DLGAP1: variants seen among roughly 807,000 people sequenced by gnomAD.
The protein encoded by DLGAP1 is DLG associated protein 1, also known as disks large-associated protein 1.
DLGAP1 carries 11 observed loss-of-function variants against 90.8 expected under a neutral mutation model. That is an observed-to-expected ratio of 0.12 (90% CI 0.08 to 0.20). The LOEUF is 0.20. Ranked by LOEUF, DLGAP1 falls within the 10% of genes least tolerant of loss-of-function variation. The pLI is 1.00. For synonymous variants in DLGAP1, 558 were observed against 540.7 expected, an observed-to-expected ratio of 1.03 and a Z score of -0.44; for missense variants, 1,050 against 1,333.8, an observed-to-expected ratio of 0.79 and a Z score of 3.31.
At chr18:4,099,090 C>T (rs1276360883) in intron 2 of DLGAP1, among the ~76,000 whole-genome samples, 1 of 152,206 alleles carries the variant, frequency 6.6e-6, no homozygotes, top group Non-Finnish European at 1.5e-5. Context: ...ATTCTTCCAC[C>T]TCAAAACTAT....
At position 3,649,250 on chromosome 18, in the gene DLGAP1, A is replaced by G. The variant is rs560246777; in HGVS notation, c.1592-67002T>C. Among the ~76,000 whole-genome samples, 15 of 152,308 alleles carry G rather than the reference A, an allele frequency of 9.8e-5. 1 individual carries two copies. Among genetic ancestry groups the G allele is most frequent in the Admixed American group, 2.6e-4 (4 of 15,296 alleles). On this transcript the variant is annotated intron_variant, in intron 7 of 12. Coordinates refer to ENST00000315677, the MANE Select transcript of DLGAP1 (RefSeq NM_004746.4). ...CTCTCCTCCCCACCTTCCAGGACTC[A>G]AAAAACAGACTGGGGGACAATCTCA...
At chr18:4,336,947 A>C (rs1366844448) in intron 1 of DLGAP1, among the ~76,000 whole-genome samples, 11 of 8,346 alleles carry the variant, frequency 1.3e-3, no homozygotes, top group Non-Finnish European at 2.2e-3. Context: ...GAAAATACAA[A>C]AAAAAAAAAA....
intron 1 of DLGAP1, among the ~76,000 whole-genome samples, chr18:4,325,646 G>T (rs1242099303): frequency 1.3e-5 from 2 of 152,052 alleles, no homozygotes; most frequent in Non-Finnish European, 2.9e-5. Flanking sequence ...AAAACAGCAT[G>T]GTACTCGTAC....
chr18:4,333,019 C>T (rs766257605), intron 1 of DLGAP1, among the ~76,000 whole-genome samples: 9 of 151,974 alleles, frequency 5.9e-5, no homozygotes, highest in Non-Finnish European at 1.5e-5. Context: ...TATTATCCTG[C>T]TTTCCTGTGT....
At chr18:4,103,548 A>G (rs1598406316) in intron 2 of DLGAP1, among the ~76,000 whole-genome samples, 1 of 152,152 alleles carries the variant, frequency 6.6e-6, no homozygotes, top group Non-Finnish European at 1.5e-5. Flanking sequence ...ATAGATAATA[A>G]TATCTTAAAT....
intron 2 of DLGAP1, among the ~76,000 whole-genome samples, chr18:4,130,948 T>G (rs1033242806): frequency 6.6e-6 from 1 of 152,086 alleles, no homozygotes; most frequent in Non-Finnish European, 1.5e-5. Flanking sequence ...CAGGAAAATA[T>G]GACAAGGATT....
At chr18:3,810,955 G>A (rs760482420) in intron 5 of DLGAP1, among the ~76,000 whole-genome samples, 11 of 151,938 alleles carry the variant, frequency 7.2e-5, no homozygotes, top group African/African-American at 4.8e-5. Flanking sequence ...ACAGGTGCAC[G>A]CCGCCACACC....
intron 5 of DLGAP1, among the ~76,000 whole-genome samples, chr18:3,782,862 AG>A (rs2065261622): frequency 6.6e-6 from 1 of 152,232 alleles, no homozygotes; most frequent in Non-Finnish European, 1.5e-5. Context: ...GAAATTGAAA[AG>A]ACAATCCAAA....
At chr18:4,443,223 T>C (rs764923079) in intron 1 of DLGAP1, among the ~76,000 whole-genome samples, 5 of 152,228 alleles carry the variant, frequency 3.3e-5, no homozygotes, top group Non-Finnish European at 7.3e-5. Context: ...CCTTCCTTTG[T>C]TCCAGTAGTC....
At chr18:4,222,365 T>C (rs1464447202) in intron 1 of DLGAP1, among the ~76,000 whole-genome samples, 2 of 152,178 alleles carry the variant, frequency 1.3e-5, no homozygotes, top group African/African-American at 4.8e-5. Context: ...GCAGAGCCCG[T>C]GCCCATTTTT....
intron 1 of DLGAP1, among the ~76,000 whole-genome samples, chr18:4,432,780 C>T (rs1214650907): frequency 6.6e-6 from 1 of 152,134 alleles, no homozygotes; most frequent in Non-Finnish European, 1.5e-5. Context: ...CCTCTCTATG[C>T]CCCTCACCAG....
intron 5 of DLGAP1, among the ~76,000 whole-genome samples, chr18:3,796,921 T>C (rs1482508086): frequency 2.6e-5 from 4 of 152,214 alleles, no homozygotes; most frequent in Non-Finnish European, 4.4e-5. Flanking sequence ...CTGATTCATA[T>C]GTTGAGGCCC....
intron 5 of DLGAP1, among the ~76,000 whole-genome samples, chr18:3,803,957 CATATATATATATATATATATATATATAT>C (rs33952757): frequency 0.26 from 21,995 of 84,420 alleles, 2,671 homozygotes; most frequent in East Asian, 0.45. Flanking sequence ...TATGTAGGTT[CATATATATATATATATATATATATATAT>C]ATATATATAT....
intron 3 of DLGAP1, chr18:3,978,027 G>T (rs1245908623): frequency 1.0e-5 from 4 of 382,934 alleles, no homozygotes; most frequent in African/African-American, 6.4e-5. Flanking sequence ...ATGTTCTGGA[G>T]AGCCCCGTGG....
At chr18:3,766,794 A>C (rs1027577933) in intron 5 of DLGAP1, among the ~76,000 whole-genome samples, 18 of 152,158 alleles carry the variant, frequency 1.2e-4, no homozygotes, top group Non-Finnish European at 4.4e-5. Context: ...AAACAAGCAT[A>C]TTAGAAGTTT....
chr18:3,881,267 G>A (rs1222783079), intron 3 of DLGAP1, among the ~76,000 whole-genome samples: 4 of 152,096 alleles, frequency 2.6e-5, no homozygotes, highest in Non-Finnish European at 5.9e-5. Context: ...TGGGATTACA[G>A]GTGCCTGCCA....
At chr18:4,247,374 G>A (rs2078674081) in intron 1 of DLGAP1, among the ~76,000 whole-genome samples, 1 of 152,192 alleles carries the variant, frequency 6.6e-6, no homozygotes, top group Non-Finnish European at 1.5e-5. Flanking sequence ...GTAAGGAAGA[G>A]AACCAGAATT....
intron 8 of DLGAP1, among the ~76,000 whole-genome samples, chr18:3,572,018 A>G (rs2145205432): frequency 7.0e-6 from 1 of 142,790 alleles, no homozygotes; most frequent in African/African-American, 2.6e-5. Context: ...TATTTATATT[A>G]TATTCTTTCA....
chr18:3,744,116 C>T (rs962071676), intron 5 of DLGAP1, among the ~76,000 whole-genome samples: 2 of 151,860 alleles, frequency 1.3e-5, no homozygotes, highest in African/African-American at 2.4e-5. Context: ...ATCATCCTAG[C>T]CAGTGAAATC....
Sources: allele counts gnomAD v4.1 joint callset (sites outside exome capture counted in the v4.1 genomes callset), GRCh38; gene constraint gnomAD v4.1.1; transcripts MANE v1.5; gene names NCBI Gene and HGNC (gene_info 2026-07-23, HGNC 2026-07-21).